Variants in SPOCK3 observed in about 807,000 individuals in gnomAD.
SPOCK3 encodes testican-3.
Under a neutral mutation model 56.6 loss-of-function variants are expected in SPOCK3, and 30 were observed. The ratio of observed to expected loss-of-function variants is 0.53; its 90% CI spans 0.40 to 0.72. The LOEUF is 0.72. Ranked by LOEUF, SPOCK3 falls within the 30% of genes least tolerant of loss-of-function variation. The pLI, the probability that SPOCK3 is intolerant of heterozygous loss-of-function variation, is 0.00. For missense variants in SPOCK3, 527 were observed against 530.0 expected, an observed-to-expected ratio of 0.99 and a Z score of 0.06; for synonymous variants, 196 against 183.3, an observed-to-expected ratio of 1.07 and a Z score of -0.56.
At chr4:167,160,829 C>T (rs1428744055) in intron 2 of SPOCK3, among the ~76,000 whole-genome samples, 1 of 152,112 alleles carries the variant, frequency 6.6e-6, no homozygotes, top group African/African-American at 2.4e-5. Context: ...GGCAAACTGG[C>T]TAGCCATATG....
intron 2 of SPOCK3, among the ~76,000 whole-genome samples, chr4:167,223,107 A>G: frequency 1.1e-5 from 1 of 88,722 alleles, no homozygotes; most frequent in Admixed American, 1.4e-4. Flanking sequence ...ATATATGAAT[A>G]TATAATATAT....
intron 6 of SPOCK3, among the ~76,000 whole-genome samples, chr4:166,811,326 T>TA (rs1743762114): frequency 6.6e-6 from 1 of 151,772 alleles, no homozygotes; most frequent in South Asian, 2.1e-4. Flanking sequence ...CTTTTTTTTT[T>TA]ACATCTAAAG....
chr4:166,997,312 T>TTAAAA (rs1003311882), intron 4 of SPOCK3, among the ~76,000 whole-genome samples: 58 of 152,192 alleles, frequency 3.8e-4, no homozygotes, highest in Non-Finnish European at 6.8e-4. Context: ...ATCCCGGAAC[T>TTAAAA]TAAAATAAAA....
intron 6 of SPOCK3, among the ~76,000 whole-genome samples, chr4:166,833,428 C>G (rs1469108159): frequency 6.6e-6 from 1 of 152,118 alleles, no homozygotes; most frequent in Non-Finnish European, 1.5e-5. Flanking sequence ...GTATTGGTTA[C>G]TAAGAGGCAA....
At chr4:166,815,552 G>C (rs988719237) in intron 6 of SPOCK3, among the ~76,000 whole-genome samples, 1 of 151,996 alleles carries the variant, frequency 6.6e-6, no homozygotes, top group African/African-American at 2.4e-5. Context: ...AGAACTTCAG[G>C]AGGCCAAGGT....
chr4:167,000,316 T>G (rs1205379169), intron 4 of SPOCK3, 33 bp downstream of exon 4: 1 of 1,096,834 alleles, frequency 9.1e-7, no homozygotes, highest in East Asian at 2.5e-5. Context: ...GGAGCGCTGT[T>G]CAATCAGTGG....
intron 2 of SPOCK3, among the ~76,000 whole-genome samples, chr4:167,224,371 G>A (rs923715690): frequency 1.3e-5 from 2 of 152,070 alleles, no homozygotes; most frequent in Non-Finnish European, 2.9e-5. Context: ...CAAAAATGTA[G>A]ATAAAGATGT....
chr4:166,847,367 A>T (rs1035271542), intron 6 of SPOCK3, among the ~76,000 whole-genome samples: 1 of 152,072 alleles, frequency 6.6e-6, no homozygotes, highest in South Asian at 2.1e-4. Context: ...TATATAAATT[A>T]AAGGTTTCTG....
chr4:166,893,432 C>G (rs921746951), intron 5 of SPOCK3, among the ~76,000 whole-genome samples: 6 of 152,104 alleles, frequency 3.9e-5, no homozygotes, highest in African/African-American at 1.4e-4. Flanking sequence ...AGAAAAGATA[C>G]AGTTGACAAT....
In SPOCK3 at chr4:166,927,030, A is replaced by C. The variant is rs547548456; in HGVS notation, c.351-14287T>G. 3.9e-5 allele frequency among the ~76,000 whole-genome samples: 6 copies of C among 152,362 alleles called. No individual in the cohort carries two copies. In the South Asian group the frequency reaches 1.2e-3, roughly 32 times the overall value. ...GGACCCTAAATTCTCTAAAAAGTCC[A>C]CATATATATATTTCAAAGCTGCAAA... On this transcript the variant is annotated intron_variant, in intron 4 of 10. Coordinates refer to ENST00000357545, the MANE Select transcript of SPOCK3 (RefSeq NM_001040159.2).
At chr4:166,826,531 A>G (rs1402664875) in intron 6 of SPOCK3, among the ~76,000 whole-genome samples, 2 of 152,116 alleles carry the variant, frequency 1.3e-5, no homozygotes, top group Non-Finnish European at 2.9e-5. Flanking sequence ...CTGACTCCAC[A>G]TCATGTGGTG....
At position 167,224,758 on chromosome 4, in the gene SPOCK3, C is replaced by G. The variant is rs539535401; in HGVS notation, c.189+9227G>C. Reference sequence around the variant, plus strand: ...CACTGCAACCTCTGACTCCCTGGTTCAAGCGATTCTCTTGCCTCAGCCTCC... The same window carrying G: ...CACTGCAACCTCTGACTCCCTGGTTGAAGCGATTCTCTTGCCTCAGCCTCC... On this transcript the variant is annotated intron_variant, in intron 2 of 10. Transcript: ENST00000357545. 2.4e-4 allele frequency among the ~76,000 whole-genome samples: 37 copies of G among 152,184 alleles called. 2 individuals are homozygous for G. The South Asian group carries it at 7.7e-3, about 32-fold the overall frequency.
In SPOCK3 at chr4:167,226,503, G is replaced by A. The variant is rs1736612060; in HGVS notation, c.189+7482C>T. The stretch of plus-strand genomic sequence containing the variant: ...ATGGAGACTGAGAATATTTTCAATA[G>A]ATATTTAGATGATTGAAAGAGCATA... On this transcript the variant is annotated intron_variant, in intron 2 of 10. Coordinates refer to ENST00000357545, the MANE Select transcript of SPOCK3 (RefSeq NM_001040159.2). Among the ~76,000 whole-genome samples the A allele has an allele frequency of 2.0e-5, 3 of 152,278 alleles. No homozygotes were observed. The South Asian group carries it at 6.2e-4, about 32-fold the overall frequency.
At chr4:167,209,963 G>T (rs1052519072) in intron 2 of SPOCK3, among the ~76,000 whole-genome samples, 7 of 152,058 alleles carry the variant, frequency 4.6e-5, no homozygotes, top group African/African-American at 1.7e-4. Flanking sequence ...AGTTGTTCAG[G>T]TAGCAACAAC....
chr4:167,073,988 T>C (rs1015684424), intron 2 of SPOCK3, among the ~76,000 whole-genome samples: 2 of 151,804 alleles, frequency 1.3e-5, no homozygotes, highest in Non-Finnish European at 2.9e-5. Flanking sequence ...TGTCCCAATA[T>C]TTAGTTTTAG....
intron 4 of SPOCK3, among the ~76,000 whole-genome samples, chr4:166,971,612 TG>T (rs1368334785): frequency 6.6e-6 from 1 of 152,088 alleles, no homozygotes; most frequent in Non-Finnish European, 1.5e-5. Flanking sequence ...ACCTTTTATT[TG>T]CCCAATATTC....
At chr4:167,138,214 A>G (rs1407327540) in intron 2 of SPOCK3, among the ~76,000 whole-genome samples, 1 of 151,836 alleles carries the variant, frequency 6.6e-6, no homozygotes, top group African/African-American at 2.4e-5. Flanking sequence ...GACATGATAA[A>G]GGAAGAAGGT....
intron 2 of SPOCK3, among the ~76,000 whole-genome samples, chr4:167,145,708 T>C (rs1763888728): frequency 6.6e-6 from 1 of 152,124 alleles, no homozygotes; most frequent in Non-Finnish European, 1.5e-5. Context: ...CCAGCCAAAC[T>C]AAGCTTCATA....
rs374905619 is a variant in SPOCK3, at chr4:166,973,179, G to A, written c.350+27170C>T. On this transcript the variant is annotated intron_variant, in intron 4 of 10. Coordinates refer to ENST00000357545, the MANE Select transcript of SPOCK3 (RefSeq NM_001040159.2). ...AAAAGCATTTGACAGTTTCCCCTGC[G>A]CCCCTCCCCACTCTCTCCCACTGCC... Among the ~76,000 whole-genome samples, 42 of 151,964 alleles carry A rather than the reference G, an allele frequency of 2.8e-4. 1 individual carries two copies. The highest frequency in any genetic ancestry group is 8.2e-4 in the African/African-American group (34 of 41,460).
Sources: gnomAD v4.1 joint callset for allele counts (sites outside exome capture counted in the v4.1 genomes callset) on GRCh38, gnomAD v4.1.1 for gene constraint, MANE v1.5 for transcripts, NCBI Gene and HGNC (gene_info 2026-07-23, HGNC 2026-07-21) for gene names.